Variants in TNKS observed in about 807,000 individuals in gnomAD.
TNKS encodes the protein tankyrase, also known as poly [ADP-ribose] polymerase tankyrase-1.
A neutral mutation model predicts 135.8 loss-of-function variants in TNKS; 72 were observed. The observed-to-expected ratio is 0.53, with a 90% confidence interval of 0.44 to 0.64. TNKS has a LOEUF of 0.64. Ranked by LOEUF, TNKS falls within the 30% of genes least tolerant of loss-of-function variation. The pLI, the probability that TNKS is intolerant of heterozygous loss-of-function variation, is 0.00. For synonymous variants in TNKS, 849 were observed against 649.3 expected (o/e 1.31, Z -4.68); for missense variants, 1,769 against 1,674.0 (o/e 1.06, Z -0.99).
intron 12 of TNKS, among the ~76,000 whole-genome samples, chr8:9,725,315 A>G (rs1805111025): frequency 6.6e-6 from 1 of 152,246 alleles, no homozygotes; most frequent in Admixed American, 6.5e-5. Context: ...TTTCCTCAAC[A>G]TTTCCACAAA....
chr8:9,637,336 G>A (rs998929089), intron 3 of TNKS, among the ~76,000 whole-genome samples: 2 of 151,952 alleles, frequency 1.3e-5, no homozygotes, highest in Non-Finnish European at 2.9e-5. Flanking sequence ...TTTGGTTTCC[G>A]TTCCTTCCTT....
Position 9,776,718 on chromosome 8 carries a change from C to T in TNKS, c.3966C>T (p.Ala1322=), listed in dbSNP as rs370002383. The T allele has an allele frequency of 1.8e-5, 29 of 1,613,830 alleles. No homozygotes were observed. The highest frequency in any genetic ancestry group is 5.0e-5 in the Admixed American group (3 of 59,984). The change falls in exon 27 of 27, where the codon GCC becomes GCT. Residue 1322 remains alanine (A), a synonymous_variant. Coordinates refer to ENST00000310430, the MANE Select transcript of TNKS (RefSeq NM_003747.3). ...KPEAPSQTAT[A]AEQKT ...AAGCCCCTTCCCAGACCGCAACAGC[C>T]GCAGAGCAGAAGACCTAGTGAATGC...
chr8:9,736,365 A>T (rs1304172065), intron 17 of TNKS, among the ~76,000 whole-genome samples: 2 of 151,164 alleles, frequency 1.3e-5, no homozygotes, highest in African/African-American at 4.8e-5. Context: ...AAAAAAAAAA[A>T]AAAAAAAAAT....
intron 3 of TNKS, among the ~76,000 whole-genome samples, chr8:9,618,283 A>G (rs1799727329): frequency 6.6e-6 from 1 of 152,322 alleles, no homozygotes; most frequent in Admixed American, 6.5e-5. Context: ...GACTAATACC[A>G]TCTTATACAT....
intron 2 of TNKS, among the ~76,000 whole-genome samples, chr8:9,614,042 C>T (rs992085596): frequency 6.6e-6 from 1 of 152,142 alleles, no homozygotes; most frequent in African/African-American, 2.4e-5. Context: ...TGTGATCACT[C>T]AGCAACTAAA....
At chr8:9,728,790 G>A (rs1360609911) in intron 13 of TNKS, among the ~76,000 whole-genome samples, 1 of 152,082 alleles carries the variant, frequency 6.6e-6, no homozygotes, top group Non-Finnish European at 1.5e-5. Flanking sequence ...TTAGAGGCTG[G>A]TGCATTTCCG....
chr8:9,751,799 C>T lies in TNKS; in HGVS notation c.3023C>T (p.Ser1008Phe). ...PLAELAVGGA[S>F]NAGDGAAGTE... Reference sequence around the variant, plus strand: ...GCAGAGTTGGCCGTAGGAGGAGCCTCCAATGCAGGGGATGGCGCCGCGGGA... The same window carrying T: ...GCAGAGTTGGCCGTAGGAGGAGCCTTCAATGCAGGGGATGGCGCCGCGGGA... Residue 1008 changes from serine to phenylalanine, a missense_variant, in exon 19 of 27, where the codon TCC (serine) becomes TTC (phenylalanine). Ser to Phe is a radical substitution (Grantham distance 155). Around this residue, in one of 5 missense-constraint regions of TNKS, gnomAD observed 722 missense variants for 688.9 expected, o/e 1.05. Transcript: ENST00000310430. The T allele has an allele frequency of 6.2e-7, 1 of 1,614,090 alleles. No homozygotes were observed. Among genetic ancestry groups the T allele is most frequent in the South Asian group, 1.1e-5 (1 of 91,070 alleles).
chr8:9,649,863 TC>T (rs1163063723), intron 3 of TNKS, among the ~76,000 whole-genome samples: 1 of 146,862 alleles, frequency 6.8e-6, no homozygotes, highest in East Asian at 2.0e-4. Flanking sequence ...CACAGTTCTT[TC>T]TTTCTTTTCT....
chr8:9,650,774 T>G (rs1313026044), intron 3 of TNKS, among the ~76,000 whole-genome samples: 1 of 152,234 alleles, frequency 6.6e-6, no homozygotes, highest in East Asian at 1.9e-4. Flanking sequence ...TTTGTCTGTT[T>G]ACTCTGCTGA....
chr8:9,729,771 C>CTTTTTTTT (rs763357075), intron 13 of TNKS, among the ~76,000 whole-genome samples: 70 of 94,996 alleles, frequency 7.4e-4, no homozygotes, highest in Admixed American at 9.3e-4. Flanking sequence ...ATATGATATT[C>CTTTTTTTT]TTTTTTTTTT....
At chr8:9,767,739 C>T (rs992083916) in intron 25 of TNKS, among the ~76,000 whole-genome samples, 3 of 152,012 alleles carry the variant, frequency 2.0e-5, no homozygotes, top group African/African-American at 4.8e-5. Flanking sequence ...GCGGGCAGAT[C>T]ATGCCGTCAG....
intron 3 of TNKS, among the ~76,000 whole-genome samples, chr8:9,649,116 C>T (rs888918833): frequency 3.3e-5 from 5 of 152,240 alleles, no homozygotes; most frequent in Middle Eastern, 3.4e-3. Flanking sequence ...TATAAACATA[C>T]TTTTCATTAC....
intron 3 of TNKS, among the ~76,000 whole-genome samples, chr8:9,624,251 T>C (rs191586652): frequency 6.6e-6 from 1 of 152,320 alleles, no homozygotes; most frequent in Non-Finnish European, 1.5e-5. Context: ...TGTATTGCAA[T>C]TTGGATTAGA....
intron 2 of TNKS, chr8:9,615,311 C>A: frequency 4.1e-6 from 1 of 241,344 alleles, no homozygotes; most frequent in Non-Finnish European, 8.0e-6. Context: ...TTGAAGGAGG[C>A]AAACCAAAAC....
At chr8:9,628,398 T>G (rs1585250450) in intron 3 of TNKS, among the ~76,000 whole-genome samples, 2 of 152,204 alleles carry the variant, frequency 1.3e-5, no homozygotes, top group South Asian at 4.1e-4. Flanking sequence ...AGAAACTCTG[T>G]CTTGCATATC....
At chr8:9,728,168 G>T (rs962553368) in intron 13 of TNKS, among the ~76,000 whole-genome samples, 2 of 152,066 alleles carry the variant, frequency 1.3e-5, no homozygotes, top group African/African-American at 4.8e-5. Context: ...TCACAGTGAA[G>T]GCCTAATTTA....
chr8:9,720,491 C>T lies in TNKS; in HGVS notation c.1867C>T (p.Gln623Ter). The T allele has an allele frequency of 6.2e-7, 1 of 1,614,156 alleles. No homozygotes were observed. The highest frequency in any genetic ancestry group is 8.5e-7 in the Non-Finnish European group (1 of 1,180,014). ...CTCTGACCCCTCCATCATCTCCTTA[C>T]AAGGCTTCACAGCAGCACAGATGGG... The part of the protein sequence containing the change: ...YGSDPSIISL[Q>*]GFTAAQMGNE... The change falls in exon 12 of 27, where the codon CAA becomes TAA. Residue 623 changes from glutamine to a stop codon, truncating the protein, a stop_gained. Coordinates refer to ENST00000310430, the MANE Select transcript of TNKS (RefSeq NM_003747.3). LOFTEE classifies it high-confidence loss of function.
At chr8:9,733,249 A>G (rs779720412) in intron 14 of TNKS, 30 bp from the exon 15 acceptor site, 2 of 1,529,614 alleles carry the variant, frequency 1.3e-6, no homozygotes, top group Admixed American at 2.3e-5. Context: ...GGTTTGTTTT[A>G]TGACTTTAAA....
intron 3 of TNKS, chr8:9,679,628 G>T (rs560133244): frequency 3.9e-5 from 10 of 259,694 alleles, no homozygotes; most frequent in Middle Eastern, 1.3e-3. Context: ...TAGAGAAAAG[G>T]GGGGAGGGGA....
Sources: gnomAD v4.1 joint callset for allele counts (sites outside exome capture counted in the v4.1 genomes callset) on GRCh38, gnomAD v4.1.1 for gene constraint, gnomAD v4.1.1 regional missense constraint, MANE v1.5 for transcripts, NCBI Gene and HGNC (gene_info 2026-07-23, HGNC 2026-07-21) for gene names.